PDE4B: variants seen among roughly 807,000 people sequenced by gnomAD.
PDE4B encodes 3',5'-cyclic-AMP phosphodiesterase 4B.
A neutral mutation model predicts 82.2 loss-of-function variants in PDE4B; 20 were observed. The observed-to-expected ratio is 0.24, with a 90% CI of 0.17 to 0.35. PDE4B has a LOEUF of 0.35. PDE4B is among the 10% of genes least tolerant of loss of function. PDE4B has a pLI of 1.00. For missense variants in PDE4B, 655 were observed against 907.2 expected, an observed-to-expected ratio of 0.72 and a Z score of 3.57; for synonymous variants, 320 against 318.9, an observed-to-expected ratio of 1.00 and a Z score of -0.04.
intron 1 of PDE4B, among the ~76,000 whole-genome samples, chr1:65,904,826 A>T (rs1647010215): frequency 6.6e-6 from 1 of 152,136 alleles, no homozygotes; most frequent in African/African-American, 2.4e-5. Flanking sequence ...TGCAAAATGG[A>T]GATAAAAATA....
intron 3 of PDE4B, among the ~76,000 whole-genome samples, chr1:66,235,271 C>T (rs1048474763): frequency 1.3e-5 from 2 of 152,142 alleles, no homozygotes; most frequent in Non-Finnish European, 1.5e-5. Context: ...TATATCCTTA[C>T]TGGGTTTCTG....
At chr1:66,260,961 T>C (rs1225398675) in intron 6 of PDE4B, among the ~76,000 whole-genome samples, 2 of 152,194 alleles carry the variant, frequency 1.3e-5, no homozygotes, top group Non-Finnish European at 2.9e-5. Context: ...TAGTTGTATC[T>C]AATGATCTTT....
chr1:66,204,271 C>G (rs1471248218), intron 3 of PDE4B, among the ~76,000 whole-genome samples: 1 of 152,256 alleles, frequency 6.6e-6, no homozygotes, highest in Non-Finnish European at 1.5e-5. Flanking sequence ...GGCAGTACCT[C>G]CCAGTTAGGC....
intron 3 of PDE4B, among the ~76,000 whole-genome samples, chr1:66,197,147 A>G (rs1223567712): frequency 3.9e-5 from 6 of 152,042 alleles, no homozygotes; most frequent in African/African-American, 1.2e-4. Flanking sequence ...TAGGAGTATC[A>G]CTCTTGGTAA....
intron 3 of PDE4B, among the ~76,000 whole-genome samples, chr1:66,167,981 T>C (rs1347409615): frequency 2.6e-5 from 4 of 152,218 alleles, no homozygotes; most frequent in Admixed American, 2.0e-4. Flanking sequence ...AAAATTATAT[T>C]ACTCTCCAAA....
intron 3 of PDE4B, among the ~76,000 whole-genome samples, chr1:66,062,126 A>G (rs1655612094): frequency 6.6e-6 from 1 of 152,098 alleles, no homozygotes; most frequent in African/African-American, 2.4e-5. Context: ...GCATTTAAAC[A>G]TTGCTGATAT....
chr1:66,098,562 C>A (rs1645160451), intron 3 of PDE4B, among the ~76,000 whole-genome samples: 1 of 152,092 alleles, frequency 6.6e-6, no homozygotes, highest in South Asian at 2.1e-4. Flanking sequence ...CTGAGTTTTT[C>A]CTTTCCATTG....
intron 3 of PDE4B, among the ~76,000 whole-genome samples, chr1:65,919,677 C>A (rs889555792): frequency 6.6e-6 from 1 of 152,128 alleles, no homozygotes; most frequent in African/African-American, 2.4e-5. Flanking sequence ...AAAGACTAAG[C>A]ATTAAATTAT....
At chr1:66,002,100 C>A (rs1651897216) in intron 3 of PDE4B, among the ~76,000 whole-genome samples, 1 of 152,074 alleles carries the variant, frequency 6.6e-6, no homozygotes, top group African/African-American at 2.4e-5. Context: ...GTCTTACTAG[C>A]TATATATGAG....
At chr1:66,024,050 G>A (rs918912297) in intron 3 of PDE4B, among the ~76,000 whole-genome samples, 3 of 151,974 alleles carry the variant, frequency 2.0e-5, no homozygotes, top group Admixed American at 6.6e-5. Context: ...CTTTTGTGCT[G>A]CCTACCCACT....
chr1:65,913,241 G>T lies in PDE4B; in HGVS notation c.-70-4G>T. On this transcript the variant is annotated splice_region_variant and splice_polypyrimidine_tract_variant and intron_variant, in intron 1 of 16. Transcript: ENST00000341517. ...TCTTTTTTGTGTGTTTTTTTCTCCT[G>T]TAGGTATTAAAAAGTGTCAGCAAAC... 1 of 1,279,198 alleles carries T rather than the reference G, an allele frequency of 7.8e-7. No individual in the cohort carries two copies. Among genetic ancestry groups the T allele is most frequent in the Non-Finnish European group, 1.1e-6 (1 of 877,474 alleles). 79.2% of individuals were successfully genotyped at this position (1,279,198 alleles called of 1,614,324 possible). A position where few individuals can be genotyped will look rare whatever the true frequency, so the allele number is the denominator to read the frequency against.
intron 3 of PDE4B, among the ~76,000 whole-genome samples, chr1:66,130,145 C>T (rs1645911044): frequency 6.6e-6 from 1 of 152,130 alleles, no homozygotes; most frequent in Admixed American, 6.5e-5. Flanking sequence ...TCAATCAAAG[C>T]AAATGGGAGA....
intron 7 of PDE4B, among the ~76,000 whole-genome samples, chr1:66,277,397 A>C (rs979943560): frequency 1.3e-5 from 2 of 151,746 alleles, no homozygotes; most frequent in African/African-American, 4.8e-5. Context: ...TTATTTATTT[A>C]TTTATTTTTT....
intron 6 of PDE4B, among the ~76,000 whole-genome samples, chr1:66,260,157 C>T (rs1654578866): frequency 6.6e-6 from 1 of 152,114 alleles, no homozygotes; most frequent in Admixed American, 6.6e-5. Context: ...AAATGATATT[C>T]ATGGTATTGA....
chr1:66,056,525 TATCTATC>T (rs1390251214), intron 3 of PDE4B, among the ~76,000 whole-genome samples: 3 of 69,650 alleles, frequency 4.3e-5, no homozygotes, highest in African/African-American at 1.7e-4. Context: ...TCTATCTATC[TATCTATC>T]ATCTATCTAT....
chr1:66,111,559 C>A (rs1000183719), intron 3 of PDE4B, among the ~76,000 whole-genome samples: 7 of 152,096 alleles, frequency 4.6e-5, no homozygotes, highest in Non-Finnish European at 1.0e-4. Flanking sequence ...GGCATAGTAT[C>A]TTCAAGCTTC....
intron 1 of PDE4B, among the ~76,000 whole-genome samples, chr1:65,877,848 C>T (rs903493681): frequency 4.0e-5 from 6 of 151,854 alleles, no homozygotes; most frequent in Admixed American, 3.3e-4. Context: ...GACTAAAACA[C>T]CAAAAGCAAT....
chr1:66,024,633 A>G (rs1653335122), intron 3 of PDE4B, among the ~76,000 whole-genome samples: 1 of 152,198 alleles, frequency 6.6e-6, no homozygotes, highest in African/African-American at 2.4e-5. Flanking sequence ...CCTACAAATG[A>G]TAACTTGATA....
In PDE4B at chr1:65,846,978, A is replaced by C. The variant is rs557200272; in HGVS notation, c.-71+53730A>C. The stretch of plus-strand genomic sequence containing the variant: ...TTGATTCAATGTGGGAAGAACTGTA[A>C]CAACAAAGCAGCAATATGACATTAA... On this transcript the variant is annotated intron_variant, in intron 1 of 16. Coordinates refer to ENST00000341517, the MANE Select transcript of PDE4B (RefSeq NM_002600.4). Among the ~76,000 whole-genome samples, 11 of 152,336 alleles carry C rather than the reference A, an allele frequency of 7.2e-5. 1 individual carries two copies. Among genetic ancestry groups the C allele is most frequent in the African/African-American group, 2.6e-4 (11 of 41,590 alleles).
Sources: allele counts gnomAD v4.1 joint callset (sites outside exome capture counted in the v4.1 genomes callset), GRCh38; gene constraint gnomAD v4.1.1; transcripts MANE v1.5; gene names NCBI Gene and HGNC (gene_info 2026-07-23, HGNC 2026-07-21).